The following AACS variants were observed in gnomAD, a reference collection of about 807,000 sequenced individuals.
AACS encodes the protein acetoacetyl-CoA synthetase, also known as acetoacetate-CoA ligase.
Under a neutral mutation model 83.1 loss-of-function variants are expected in AACS, and 69 were observed. The observed-to-expected ratio is 0.83, with a 90% confidence interval of 0.68 to 1.01. The LOEUF (loss-of-function observed/expected upper bound fraction) is 1.01. Among genes scored for constraint, AACS ranks in the 50% least tolerant of loss-of-function variants. The pLI, the probability that AACS is intolerant of heterozygous loss-of-function variation, is 0.00. For missense variants in AACS, 866 were observed against 882.2 expected (o/e 0.98, Z 0.23); for synonymous variants, 333 against 343.4 (o/e 0.97, Z 0.33).
intron 3 of AACS, among the ~76,000 whole-genome samples, chr12:125,085,309 G>A (rs1446632541): frequency 6.6e-6 from 1 of 152,182 alleles, no homozygotes; most frequent in Non-Finnish European, 1.5e-5. Flanking sequence ...ATCCACGTCT[G>A]TTTCCTGGAA....
intron 9 of AACS, among the ~76,000 whole-genome samples, chr12:125,116,516 T>C (rs1369834713): frequency 6.6e-6 from 1 of 152,136 alleles, no homozygotes; most frequent in Admixed American, 6.5e-5. Context: ...CAGGCTGGAG[T>C]GCAGTGGCGC....
At chr12:125,092,123 T>C (rs575177358) in intron 5 of AACS, among the ~76,000 whole-genome samples, 2 of 152,158 alleles carry the variant, frequency 1.3e-5, no homozygotes, top group African/African-American at 4.8e-5. Context: ...ACGGGGCAAA[T>C]GAAGCAGCCG....
intron 3 of AACS, among the ~76,000 whole-genome samples, chr12:125,081,258 T>C (rs1956175966): frequency 6.6e-6 from 1 of 152,188 alleles, no homozygotes; most frequent in Non-Finnish European, 1.5e-5. Context: ...CCTCTGAAAG[T>C]GTTGGGATTA....
At chr12:125,066,875 T>C (rs1955715729) in intron 1 of AACS, among the ~76,000 whole-genome samples, 1 of 152,164 alleles carries the variant, frequency 6.6e-6, no homozygotes, top group South Asian at 2.1e-4. Context: ...CCCAGTCACC[T>C]GTGGCACCAG....
intron 5 of AACS, among the ~76,000 whole-genome samples, chr12:125,100,367 T>C (rs1306967089): frequency 6.6e-6 from 1 of 152,254 alleles, no homozygotes. Context: ...TTTCCCTGGC[T>C]ACCTAATTTT....
At chr12:125,102,842 G>A in intron 6 of AACS, 49 bp downstream of exon 6, 4 of 1,557,134 alleles carry the variant, frequency 2.6e-6, no homozygotes, top group Middle Eastern at 3.4e-4. Context: ...TGTGTGTGTG[G>A]GTACATAAGA....
intron 4 of AACS, among the ~76,000 whole-genome samples, chr12:125,089,084 T>C (rs1956403371): frequency 1.3e-5 from 2 of 152,128 alleles, no homozygotes; most frequent in Admixed American, 6.5e-5. Context: ...TGGAGTCAGA[T>C]GGTTAAGCAG....
At chr12:125,121,657 G>C (rs1565949261) in intron 10 of AACS, 1 of 152,252 alleles carries the variant, frequency 6.6e-6, no homozygotes, top group Non-Finnish European at 1.5e-5. Context: ...AGGACCCCGG[G>C]GACTTTGTCC....
At chr12:125,126,596 TA>T (rs1430617264) in intron 12 of AACS, 3 of 151,780 alleles carry the variant, frequency 2.0e-5, no homozygotes, top group Non-Finnish European at 2.9e-5. Context: ...TTTTTTTTTT[TA>T]AAGACAGGGT....
intron 8 of AACS, among the ~76,000 whole-genome samples, chr12:125,110,533 A>G (rs1956933311): frequency 6.6e-6 from 1 of 151,998 alleles, no homozygotes; most frequent in Non-Finnish European, 1.5e-5. Flanking sequence ...TCCCACCCTC[A>G]CGCTGCTCTA....
rs977419959 is a variant in AACS, at chr12:125,140,626, G to A, written c.1882-1466G>A. 8 of 150,884 alleles carry A rather than the reference G, an allele frequency of 5.3e-5. No individual in the cohort carries two copies. Among genetic ancestry groups the A allele is most frequent in the Admixed American group, 2.0e-4 (3 of 15,162 alleles). 9.3% of individuals were successfully genotyped at this position (150,884 alleles called of 1,614,324 possible). On this transcript the variant is annotated intron_variant, in intron 17 of 17. Coordinates refer to ENST00000316519, the MANE Select transcript of AACS (RefSeq NM_023928.5). This position sits in a 1 kb window ranked among gnomAD's most constrained non-coding sequence, Gnocchi z 5.1. ...TCTCAGGTTAAAAAAAAAAAAAGGC[G>A]CCAGTGATCGAGGACTCGTCACTGG...
intron 12 of AACS, chr12:125,126,604 G>A (rs1957248850): frequency 6.7e-6 from 1 of 148,956 alleles, no homozygotes; most frequent in African/African-American, 2.5e-5. Flanking sequence ...TTTAAAGACA[G>A]GGTTTTGCTC....
chr12:125,067,722 C>T (rs561859043), intron 1 of AACS, among the ~76,000 whole-genome samples: 7 of 152,036 alleles, frequency 4.6e-5, no homozygotes, highest in South Asian at 2.1e-4. Context: ...TTAGTAGAGA[C>T]GGGGTTTCAC....
rs758744209 is a variant in AACS at position 125,142,163 on chromosome 12, A to C, written c.1953A>C (p.Gly651=). The change falls in exon 18 of 18, where the codon GGA becomes GGC. Residue 651 remains glycine, a synonymous_variant. Coordinates refer to ENST00000316519, the MANE Select transcript of AACS (RefSeq NM_023928.5). The part of the protein sequence containing the change: ...QIIAGKAVEQ[G]GAFSNPETLD... ...TCGCTGGAAAAGCCGTGGAGCAAGG[A>C]GGTGCTTTCTCGAACCCCGAGACCC... The C allele has an allele frequency of 2.5e-6, 4 of 1,614,148 alleles. No homozygotes were observed. In the Admixed American group the frequency reaches 6.7e-5, roughly 27 times the overall value.
At chr12:125,093,569 A>G (rs993423001) in intron 5 of AACS, among the ~76,000 whole-genome samples, 21 of 152,084 alleles carry the variant, frequency 1.4e-4, no homozygotes, top group African/African-American at 5.1e-4. Flanking sequence ...GTTTTCTGGA[A>G]TCACCGCCTC....
chr12:125,127,510 T>G, intron 12 of AACS: 1 of 152,338 alleles, frequency 6.6e-6, no homozygotes, highest in African/African-American at 2.4e-5. Flanking sequence ...GGCACAATCT[T>G]GGCTCACTGC....
chr12:125,090,997 G>A (rs1334672051), intron 4 of AACS: 3 of 205,114 alleles, frequency 1.5e-5, no homozygotes, highest in Non-Finnish European at 2.1e-5. Context: ...GGAGAAGGCT[G>A]CTCTGAGGAA....
chr12:125,068,474 G>C (rs1955764736), intron 1 of AACS, among the ~76,000 whole-genome samples: 1 of 152,030 alleles, frequency 6.6e-6, no homozygotes, highest in South Asian at 2.1e-4. Flanking sequence ...AATAAAAGTT[G>C]GGAGACCATA....
intron 17 of AACS, among the ~76,000 whole-genome samples, chr12:125,137,785 C>G (rs923808323): frequency 1.2e-4 from 19 of 152,122 alleles, no homozygotes; most frequent in Admixed American, 8.5e-4. Context: ...ACAATTTAGA[C>G]AGTGGCAGGC....
Sources: gnomAD v4.1 joint callset for allele counts (sites outside exome capture counted in the v4.1 genomes callset) on GRCh38, gnomAD v4.1.1 for gene constraint, Gnocchi (gnomAD v3.1) non-coding constraint, MANE v1.5 for transcripts, NCBI Gene and HGNC (gene_info 2026-07-23, HGNC 2026-07-21) for gene names.